Variants in RGS11 observed in about 807,000 individuals in gnomAD.
RGS11 encodes regulator of G protein signaling 11.
Under a neutral mutation model 71.1 loss-of-function variants are expected in RGS11, and 86 were observed. The observed-to-expected ratio is 1.21, with a 90% CI of 1.02 to 1.45. RGS11 has a LOEUF of 1.45. Among genes scored for constraint, RGS11 ranks in the 40% most tolerant of loss-of-function variants. RGS11 has a pLI of 0.00. For synonymous variants in RGS11, 298 were observed against 254.2 expected (o/e 1.17, Z -1.64); for missense variants, 734 against 635.1 (o/e 1.16, Z -1.67).
intron 9 of RGS11, chr16:272,387 C>T: frequency 1.5e-6 from 2 of 1,292,420 alleles, no homozygotes; most frequent in Non-Finnish European, 2.0e-6. Flanking sequence ...CTAGGTGCAT[C>T]TTTCCAGATG....
In RGS11 at chr16:273,445, G is replaced by C. The variant is rs772999739; in HGVS notation, c.588+30C>G. The stretch of plus-strand genomic sequence containing the variant: ...CACGCTGACCCCTGCGCTGGCCAGC[G>C]ACCCCCACCCTCACCGCAGGTGGGC... On this transcript the variant is annotated intron_variant, in intron 8 of 16. Coordinates refer to ENST00000397770, the MANE Select transcript of RGS11 (RefSeq NM_183337.3). 2.0e-6 allele frequency: 3 copies of C among 1,520,554 alleles called. No individual in the cohort carries two copies. In the South Asian group the frequency reaches 3.6e-5, roughly 18 times the overall value. The allele number at this position is 1,520,554 out of a possible 1,614,324, so 94.2% of individuals were successfully genotyped here.
intron 2 of RGS11, 30 bp downstream of exon 2, chr16:275,372 C>G (rs757290455): frequency 1.2e-6 from 2 of 1,610,416 alleles, no homozygotes; most frequent in Non-Finnish European, 1.7e-6. Context: ...GGCCGAGGCG[C>G]GCACGCACCC....
chr16:274,885 G>T, intron 4 of RGS11, 91 bp downstream of exon 4: 1 of 1,510,744 alleles, frequency 6.6e-7, no homozygotes. Context: ...ATCCCAGCAA[G>T]CTCGGCGCCC....
Position 271,335 on chromosome 16 carries a change from C to G in RGS11, c.750-20G>C. On this transcript the variant is annotated intron_variant, in intron 11 of 16. Transcript: ENST00000397770. ...AGGTACCTGGAAGGGGGTATGGGGG[C>G]TGGTGCAGGAGGGGCCTCAGCACTC... The G allele has an allele frequency of 6.2e-7, 1 of 1,612,466 alleles. No individual in the cohort carries two copies. The highest frequency in any genetic ancestry group is 8.5e-7 in the Non-Finnish European group (1 of 1,179,488).
Position 269,356 on chromosome 16 carries a change from C to A in RGS11, c.1317G>T (p.Arg439=). The A allele has an allele frequency of 6.2e-7, 1 of 1,603,252 alleles. No individual in the cohort carries two copies. The highest frequency in any genetic ancestry group is 1.7e-5 in the Admixed American group (1 of 58,288). The change falls in exon 17 of 17, where the codon CGG becomes CGT. Residue 439 remains arginine (R), a synonymous_variant. Coordinates refer to ENST00000397770, the MANE Select transcript of RGS11 (RefSeq NM_183337.3). ...GGAGTGCAGGGCTGGGGCTCGAGTG[C>A]CGTGGCCTCCACGTAAACGGGAACA... ...RRVFPFTWRP[R]HSSPSPALLP...
rs1254098059 is a variant in RGS11, at chr16:269,648, C to T, written c.1207-63G>A. 1.2e-5 allele frequency: 15 copies of T among 1,301,228 alleles called. 1 individual carries two copies. Among genetic ancestry groups the T allele is most frequent in the Admixed American group, 1.1e-4 (6 of 56,102 alleles). 80.6% of individuals were successfully genotyped at this position (1,301,228 alleles called of 1,614,324 possible). On this transcript the variant is annotated intron_variant, in intron 15 of 16. Transcript: ENST00000397770. ...TCCTCACCTCTCAGCCAGCTCCACC[C>T]GAAGGAGCAGCCAAACATTGCTGGA... is the stretch of plus-strand genomic sequence containing the variant.
intron 4 of RGS11, 145 bp downstream of exon 4, chr16:274,831 C>T (rs1193195534): frequency 8.9e-6 from 10 of 1,125,970 alleles, no homozygotes; most frequent in Non-Finnish European, 1.2e-5. Flanking sequence ...GGGGAGGGGG[C>T]GATGGACCAC....
At chr16:273,378 A>T in intron 8 of RGS11, 97 bp downstream of exon 8, 1 of 956,146 alleles carries the variant, frequency 1.0e-6, no homozygotes, top group Non-Finnish European at 1.5e-6. Context: ...AGGTCCTTCC[A>T]CAGGCTCAAA....
chr16:270,530 A>C lies in RGS11; in HGVS notation c.1199T>G (p.Met400Arg). 1 of 1,605,348 alleles carries C rather than the reference A, an allele frequency of 6.2e-7. No individual in the cohort carries two copies. The highest frequency in any genetic ancestry group is 8.5e-7 in the Non-Finnish European group (1 of 1,176,008). Reference sequence around the variant, plus strand: ...GGCTGGCCCAGCACCCACCTTCTTCATGAGCATGTATATGTGCAGCTGGGC... The same window carrying C: ...GGCTGGCCCAGCACCCACCTTCTTCCTGAGCATGTATATGTGCAGCTGGGC... ...DDAQLHIYML[M>R]KKDSYPRFLK... The change falls in exon 15 of 17, where the codon ATG (methionine) becomes AGG (arginine). Residue 400 changes from methionine to arginine, a missense_variant. Physicochemically the swap from Met to Arg is moderately conservative, Grantham distance 91. Coordinates refer to ENST00000397770, the MANE Select transcript of RGS11 (RefSeq NM_183337.3).
At chr16:269,790 G>T in intron 15 of RGS11, 1 of 544,550 alleles carries the variant, frequency 1.8e-6, no homozygotes, top group East Asian at 3.0e-5. Flanking sequence ...GGGCCATGTC[G>T]CAGCAAAAAA....
At chr16:273,931 G>A (rs2052049139) in intron 6 of RGS11, 95 bp from the exon 7 acceptor site, 1 of 1,477,042 alleles carries the variant, frequency 6.8e-7, no homozygotes, top group Non-Finnish European at 9.4e-7. Context: ...CTTGGGTTTT[G>A]GGGCCTGGGC....
At chr16:272,762 T>G in intron 9 of RGS11, 101 bp downstream of exon 9, 1 of 1,525,128 alleles carries the variant, frequency 6.6e-7, no homozygotes, top group Non-Finnish European at 8.8e-7. Context: ...GCCCTCTGGG[T>G]GGACCAAATG....
chr16:274,716 C>T (rs1467898594), intron 4 of RGS11: 2 of 691,638 alleles, frequency 2.9e-6, no homozygotes, highest in Non-Finnish European at 5.3e-6. Context: ...ATCCTCTGCA[C>T]ATACGACCCC....
At position 273,862 on chromosome 16, in the gene RGS11, G is replaced by T. The variant is rs749978472; in HGVS notation, c.430-26C>A. On this transcript the variant is annotated intron_variant, in intron 6 of 16. Transcript: ENST00000397770. ...CTGGGGGCAGCGAGGTTTCCAGTGG[G>T]TCACCCCGGCCCCTGCCCCCAGTGA... The T allele has an allele frequency of 2.5e-6, 4 of 1,607,806 alleles. No homozygotes were observed. The Admixed American group carries it at 5.0e-5, about 20-fold the overall frequency.
intron 8 of RGS11, 69 bp from the exon 9 acceptor site, chr16:273,000 C>T (rs2141417060): frequency 2.2e-6 from 3 of 1,351,246 alleles, no homozygotes; most frequent in East Asian, 5.2e-5. Context: ...GGCTAAGTTC[C>T]CCCTCCCAGA....
At chr16:272,431 T>A in intron 9 of RGS11, 20 of 1,303,760 alleles carry the variant, frequency 1.5e-5, no homozygotes, top group Non-Finnish European at 2.0e-5. Flanking sequence ...GAACAAAGGG[T>A]TTTGCTGCTG....
intron 15 of RGS11, 138 bp from the exon 16 acceptor site, chr16:269,723 G>T: frequency 3.0e-6 from 2 of 677,212 alleles, no homozygotes; most frequent in East Asian, 2.7e-5. Context: ...GGAGGCAGCC[G>T]CCTCGGACCT....
chr16:274,016 C>A (rs374813363), intron 6 of RGS11, 27 bp downstream of exon 6: 5 of 1,358,202 alleles, frequency 3.7e-6, no homozygotes, highest in Non-Finnish European at 4.9e-6. Context: ...TGTACCCAGC[C>A]GGGGCGGGAA....
intron 1 of RGS11, 155 bp downstream of exon 1, chr16:275,694 A>AG (rs2052148817): frequency 1.2e-5 from 4 of 343,946 alleles, no homozygotes; most frequent in Admixed American, 1.5e-4. Flanking sequence ...GGAGACCCCC[A>AG]AGGGCCCCAG....
Sources: allele counts gnomAD v4.1 joint callset, GRCh38; gene constraint gnomAD v4.1.1; transcripts MANE v1.5; gene names NCBI Gene and HGNC (gene_info 2026-07-23, HGNC 2026-07-21).